The following RNGTT variants were observed in gnomAD, a reference collection of about 807,000 sequenced individuals.
RNGTT encodes the protein mRNA-capping enzyme.
Under a neutral mutation model 79.3 loss-of-function variants are expected in RNGTT, and 33 were observed. That is an observed-to-expected ratio of 0.42 (90% CI 0.32 to 0.56). RNGTT has a LOEUF of 0.56. Ranked by LOEUF, RNGTT falls within the 20% of genes least tolerant of loss-of-function variation. The pLI, the probability that RNGTT is intolerant of heterozygous loss-of-function variation, is 0.17. For synonymous variants in RNGTT, 222 were observed against 235.9 expected (o/e 0.94, Z 0.54); for missense variants, 497 against 739.1 (o/e 0.67, Z 3.80).
intron 13 of RNGTT, among the ~76,000 whole-genome samples, chr6:88,685,338 C>A (rs565552805): frequency 2.0e-5 from 3 of 151,998 alleles, no homozygotes; most frequent in Non-Finnish European, 4.4e-5. Flanking sequence ...AACAAATGTA[C>A]CACACTAGTG....
chr6:88,895,928 C>T lies in RNGTT; in HGVS notation c.685-4013G>A, dbSNP rs916799529. On this transcript the variant is annotated intron_variant, in intron 6 of 15. Transcript: ENST00000369485. ...CCTTCCCAAAGAGTTCCAATGTAAACCCTGGAATTCCTTTTTCATAAATAA... is the reference window on the plus strand; with the variant it reads ...CCTTCCCAAAGAGTTCCAATGTAAATCCTGGAATTCCTTTTTCATAAATAA... 3.3e-5 allele frequency among the ~76,000 whole-genome samples: 5 copies of T among 152,086 alleles called. 1 individual carries two copies. The highest frequency in any genetic ancestry group is 2.9e-5 in the Non-Finnish European group (2 of 68,012).
intron 13 of RNGTT, among the ~76,000 whole-genome samples, chr6:88,709,695 CA>C (rs1424060846): frequency 1.3e-5 from 2 of 152,132 alleles, no homozygotes; most frequent in African/African-American, 4.8e-5. Flanking sequence ...CTTTTTGCAT[CA>C]AATCTTCAAA....
intron 6 of RNGTT, among the ~76,000 whole-genome samples, chr6:88,895,788 G>A (rs1199532174): frequency 6.6e-6 from 1 of 151,978 alleles, no homozygotes; most frequent in Non-Finnish European, 1.5e-5. Flanking sequence ...TCAACCATAG[G>A]TCAACTACAG....
intron 12 of RNGTT, among the ~76,000 whole-genome samples, chr6:88,791,704 TA>T (rs1355588613): frequency 6.6e-6 from 1 of 151,944 alleles, no homozygotes; most frequent in African/African-American, 2.4e-5. Context: ...CACACCCGGC[TA>T]ATTTTTTGTA....
chr6:88,960,677 G>A (rs993110987), intron 1 of RNGTT, among the ~76,000 whole-genome samples: 2 of 152,198 alleles, frequency 1.3e-5, no homozygotes, highest in Non-Finnish European at 2.9e-5. Flanking sequence ...TAACTCAGAA[G>A]GAGGAAAAAA....
intron 6 of RNGTT, among the ~76,000 whole-genome samples, chr6:88,899,531 G>T (rs1783373445): frequency 6.6e-6 from 1 of 151,920 alleles, no homozygotes; most frequent in Admixed American, 6.6e-5. Flanking sequence ...TTCCGCCTCG[G>T]CCTCCCAAAG....
intron 11 of RNGTT, among the ~76,000 whole-genome samples, chr6:88,842,738 G>A (rs547656057): frequency 6.6e-5 from 10 of 152,104 alleles, no homozygotes; most frequent in Non-Finnish European, 1.5e-4. Flanking sequence ...CAGAAAACCA[G>A]AAGATGCAAG....
intron 12 of RNGTT, among the ~76,000 whole-genome samples, chr6:88,773,080 A>C (rs1411553383): frequency 1.4e-5 from 2 of 145,208 alleles, no homozygotes; most frequent in African/African-American, 5.1e-5. Flanking sequence ...CAAATGTCCA[A>C]CAATGATAGA....
intron 14 of RNGTT, among the ~76,000 whole-genome samples, chr6:88,667,252 G>A (rs1774449663): frequency 6.6e-6 from 1 of 152,170 alleles, no homozygotes; most frequent in South Asian, 2.1e-4. Context: ...AGGAAGGATG[G>A]ATCTGGTTAC....
intron 14 of RNGTT, among the ~76,000 whole-genome samples, chr6:88,654,668 C>CGG (rs1773912533): frequency 6.6e-6 from 1 of 152,096 alleles, no homozygotes; most frequent in Non-Finnish European, 1.5e-5. Context: ...ATCATGAGTT[C>CGG]AGGGACAGGT....
intron 13 of RNGTT, among the ~76,000 whole-genome samples, chr6:88,737,542 A>G (rs931644250): frequency 4.6e-5 from 7 of 152,186 alleles, no homozygotes; most frequent in Non-Finnish European, 8.8e-5. Context: ...GCCCTTAGCT[A>G]TATTTGAAAA....
At chr6:88,873,431 T>C (rs1437573970) in intron 8 of RNGTT, among the ~76,000 whole-genome samples, 2 of 152,124 alleles carry the variant, frequency 1.3e-5, no homozygotes, top group Non-Finnish European at 2.9e-5. Flanking sequence ...GTATGTACTA[T>C]TGACAAAAGC....
At chr6:88,826,657 C>T (rs1240520504) in intron 11 of RNGTT, among the ~76,000 whole-genome samples, 2 of 151,446 alleles carry the variant, frequency 1.3e-5, no homozygotes, top group Non-Finnish European at 2.9e-5. Flanking sequence ...GTGGCACATG[C>T]CTGTAATCTC....
intron 8 of RNGTT, among the ~76,000 whole-genome samples, chr6:88,886,001 A>G (rs1782843394): frequency 2.0e-5 from 3 of 152,224 alleles, no homozygotes; most frequent in Admixed American, 2.0e-4. Flanking sequence ...GTTATGAAAG[A>G]AAGCCTAAAG....
chr6:88,761,267 A>T (rs184812428), intron 13 of RNGTT, among the ~76,000 whole-genome samples: 71 of 152,124 alleles, frequency 4.7e-4, no homozygotes, highest in South Asian at 1.2e-3. Flanking sequence ...AGGCACGTGG[A>T]TCACTTGAGG....
At chr6:88,815,279 G>A (rs1426642161) in intron 11 of RNGTT, among the ~76,000 whole-genome samples, 3 of 152,298 alleles carry the variant, frequency 2.0e-5, no homozygotes, top group Non-Finnish European at 4.4e-5. Flanking sequence ...CAGCATCCAT[G>A]ACTCCACCAG....
intron 11 of RNGTT, among the ~76,000 whole-genome samples, chr6:88,835,692 G>A (rs771112585): frequency 2.0e-5 from 3 of 152,072 alleles, no homozygotes; most frequent in Non-Finnish European, 4.4e-5. Flanking sequence ...AATATTGTCT[G>A]TCTAGCAGAT....
At position 88,936,580 on chromosome 6, in the gene RNGTT, A is replaced by T. The variant is rs116100285; in HGVS notation, c.174+4491T>A. 2.3e-3 allele frequency among the ~76,000 whole-genome samples: 351 copies of T among 152,280 alleles called. 1 individual carries two copies. Among genetic ancestry groups the T allele is most frequent in the African/African-American group, 8.0e-3 (333 of 41,564 alleles). On this transcript the variant is annotated intron_variant, in intron 2 of 15. Transcript: ENST00000369485. Reference sequence around the variant, plus strand: ...GCCTAGTTTGTTGAGAGTTTTTATCATGAAGGGATGTTGATTCTTATCAAA... The same window carrying T: ...GCCTAGTTTGTTGAGAGTTTTTATCTTGAAGGGATGTTGATTCTTATCAAA...
intron 14 of RNGTT, among the ~76,000 whole-genome samples, chr6:88,676,542 A>G (rs1008827812): frequency 2.0e-5 from 3 of 152,224 alleles, no homozygotes; most frequent in Admixed American, 6.5e-5. Flanking sequence ...TTTCTTAGAT[A>G]CAACAACAAA....
Sources: gnomAD v4.1 joint callset for allele counts (sites outside exome capture counted in the v4.1 genomes callset) on GRCh38, gnomAD v4.1.1 for gene constraint, MANE v1.5 for transcripts, NCBI Gene and HGNC (gene_info 2026-07-23, HGNC 2026-07-21) for gene names.